Variants in GRIA2 observed in about 807,000 individuals in gnomAD.
The protein encoded by GRIA2 is glutamate ionotropic receptor AMPA type subunit 2, also known as glutamate receptor 2.
In GRIA2, 14 loss-of-function variants were observed where a neutral mutation model predicts 97.3. That is an observed-to-expected ratio of 0.14 (90% confidence interval 0.10 to 0.23). The LOEUF is 0.23. Among genes scored for constraint, GRIA2 ranks in the 10% least tolerant of loss-of-function variants. The pLI is 1.00. For synonymous variants in GRIA2, 412 were observed against 387.8 expected, an observed-to-expected ratio of 1.06 and a Z score of -0.73; for missense variants, 558 against 1,069.8, an observed-to-expected ratio of 0.52 and a Z score of 6.67.
chr4:157,255,466 T>G (rs1467458462), intron 2 of GRIA2, among the ~76,000 whole-genome samples: 1 of 152,084 alleles, frequency 6.6e-6, no homozygotes, highest in Non-Finnish European at 1.5e-5. Flanking sequence ...TTTTTAGTTA[T>G]TTGAGAAATC....
chr4:157,234,931 C>T (rs1475866640), intron 2 of GRIA2, among the ~76,000 whole-genome samples: 1 of 152,084 alleles, frequency 6.6e-6, no homozygotes, highest in Admixed American at 6.6e-5. Context: ...AAAATAAGGA[C>T]TTCCTACATA....
intron 12 of GRIA2, among the ~76,000 whole-genome samples, chr4:157,357,334 G>C (rs1412491226): frequency 6.6e-6 from 1 of 151,944 alleles, no homozygotes; most frequent in Non-Finnish European, 1.5e-5. Flanking sequence ...TCTACCTTTG[G>C]CTAAATATGT....
At chr4:157,264,037 C>G (rs961260570) in intron 2 of GRIA2, among the ~76,000 whole-genome samples, 1 of 151,842 alleles carries the variant, frequency 6.6e-6, no homozygotes, top group Non-Finnish European at 1.5e-5. Context: ...TAAATGGTCC[C>G]AAATGAAAAT....
intron 2 of GRIA2, among the ~76,000 whole-genome samples, chr4:157,251,720 A>G (rs1233663376): frequency 6.6e-6 from 1 of 152,134 alleles, no homozygotes; most frequent in Non-Finnish European, 1.5e-5. Flanking sequence ...GGCAGAGACT[A>G]CTACAATAAA....
intron 2 of GRIA2, among the ~76,000 whole-genome samples, chr4:157,284,305 C>T (rs1579331154): frequency 6.6e-6 from 1 of 151,770 alleles, no homozygotes; most frequent in East Asian, 1.9e-4. Context: ...TAGGACACTG[C>T]AAGTGGCATT....
chr4:157,343,869 T>C (rs963794111), intron 12 of GRIA2, among the ~76,000 whole-genome samples: 2 of 152,094 alleles, frequency 1.3e-5, no homozygotes, highest in African/African-American at 4.8e-5. Context: ...ATGTTGCTAG[T>C]TCATGAGTAA....
At chr4:157,363,261 G>T (rs936259082) in intron 15 of GRIA2, 174 bp from the exon 16 acceptor site, 2 of 606,236 alleles carry the variant, frequency 3.3e-6, no homozygotes, top group Admixed American at 6.5e-5. Flanking sequence ...ACAGATTCCT[G>T]CCATAATTGT....
chr4:157,332,744 C>T, intron 6 of GRIA2, 75 bp from the exon 7 acceptor site: 2 of 1,015,756 alleles, frequency 2.0e-6, no homozygotes, highest in Admixed American at 3.9e-5. Flanking sequence ...TGAGCAACTG[C>T]AGTCTTGATT....
At chr4:157,256,651 A>T (rs1293344277) in intron 2 of GRIA2, among the ~76,000 whole-genome samples, 1 of 151,944 alleles carries the variant, frequency 6.6e-6, no homozygotes, top group African/African-American at 2.4e-5. Flanking sequence ...TTAATTTCTT[A>T]TTGAGGAACT....
intron 2 of GRIA2, among the ~76,000 whole-genome samples, chr4:157,228,902 C>T (rs1319702745): frequency 2.0e-5 from 3 of 149,298 alleles, no homozygotes; most frequent in African/African-American, 7.4e-5. Flanking sequence ...CAGGAGATGC[C>T]CTTATAAGGC....
At chr4:157,362,033 C>T (rs1433619000) in intron 14 of GRIA2, among the ~76,000 whole-genome samples, 1 of 152,048 alleles carries the variant, frequency 6.6e-6, no homozygotes, top group Non-Finnish European at 1.5e-5. Context: ...ACAGTTGCAG[C>T]ATCTATAGTA....
chr4:157,327,289 GA>G (rs1232652186), intron 6 of GRIA2, among the ~76,000 whole-genome samples: 2 of 151,888 alleles, frequency 1.3e-5, no homozygotes, highest in Non-Finnish European at 2.9e-5. Context: ...ATAAGTAAAG[GA>G]AAAAATATAA....
Position 157,321,580 on chromosome 4 carries a change from C to A in GRIA2, c.863C>A (p.Ala288Asp). 1 of 1,609,610 alleles carries A rather than the reference C, an allele frequency of 6.2e-7. No individual in the cohort carries two copies. Among genetic ancestry groups the A allele is most frequent in the Non-Finnish European group, 8.5e-7 (1 of 1,177,144 alleles). The change falls in exon 6 of 16, where the codon GCT becomes GAT. Residue 288 changes from alanine to aspartate, a missense_variant. Around this residue, in one of 8 missense-constraint regions of GRIA2, gnomAD observed 173 missense variants for 209.1 expected, o/e 0.83. Coordinates refer to ENST00000264426, the MANE Select transcript of GRIA2 (RefSeq NM_001083619.3). ...STLEEKEYPG[A>D]HTTTIKYTSA... ...CTGGAAGAAAAAGAATACCCTGGAG[C>A]TCACACAACAACAATTAAGGTTTGC...
chr4:157,232,516 C>A (rs1730064132), intron 2 of GRIA2, among the ~76,000 whole-genome samples: 1 of 152,110 alleles, frequency 6.6e-6, no homozygotes, highest in Non-Finnish European at 1.5e-5. Flanking sequence ...CATCATTTAT[C>A]ATTTTACTTT....
chr4:157,274,079 T>A (rs2126795460), intron 2 of GRIA2, among the ~76,000 whole-genome samples: 1 of 152,114 alleles, frequency 6.6e-6, no homozygotes, highest in African/African-American at 2.4e-5. Context: ...AGTTGAAGTG[T>A]TGAGAGAAAC....
intron 2 of GRIA2, among the ~76,000 whole-genome samples, chr4:157,242,681 T>C (rs1164992604): frequency 6.6e-6 from 1 of 152,152 alleles, no homozygotes; most frequent in African/African-American, 2.4e-5. Flanking sequence ...ACTGAACCAT[T>C]GCTCCTAGGG....
At chr4:157,233,480 G>T (rs972442447) in intron 2 of GRIA2, among the ~76,000 whole-genome samples, 25 of 152,046 alleles carry the variant, frequency 1.6e-4, no homozygotes, top group Non-Finnish European at 3.2e-4. Flanking sequence ...ATGAAAATCA[G>T]CCAAGCAACA....
chr4:157,322,806 T>G (rs1734634524), intron 6 of GRIA2, among the ~76,000 whole-genome samples: 1 of 152,206 alleles, frequency 6.6e-6, no homozygotes, highest in East Asian at 1.9e-4. Flanking sequence ...GCTCTCACAG[T>G]TGTACCTGAG....
intron 2 of GRIA2, among the ~76,000 whole-genome samples, chr4:157,229,539 A>G (rs1729907642): frequency 6.6e-6 from 1 of 152,110 alleles, no homozygotes; most frequent in African/African-American, 2.4e-5. Flanking sequence ...ATCTTCTTAG[A>G]TTGCTTACGT....
Sources: gnomAD v4.1 joint callset for allele counts (sites outside exome capture counted in the v4.1 genomes callset) on GRCh38, gnomAD v4.1.1 for gene constraint, gnomAD v4.1.1 regional missense constraint, MANE v1.5 for transcripts, NCBI Gene and HGNC (gene_info 2026-07-23, HGNC 2026-07-21) for gene names.